ANKRD17: variants seen among roughly 807,000 people sequenced by gnomAD.
The protein encoded by ANKRD17 is ankyrin repeat domain 17.
ANKRD17 carries 19 observed loss-of-function variants against 229.7 expected under a neutral mutation model. The observed-to-expected ratio is 0.08, with a 90% CI of 0.06 to 0.12. ANKRD17 has a LOEUF of 0.12. ANKRD17 is among the 10% of genes least tolerant of loss of function. The pLI, the probability that ANKRD17 is intolerant of heterozygous loss-of-function variation, is 1.00. For missense variants in ANKRD17, 2,176 were observed against 3,176.8 expected (o/e 0.68, Z 7.57); for synonymous variants, 1,112 against 1,146.1 (o/e 0.97, Z 0.60).
Position 73,121,762 on chromosome 4 carries a change from GAAAAT to G in ANKRD17, c.3493-8_3493-4del. On this transcript the variant is annotated splice_polypyrimidine_tract_variant and splice_region_variant and intron_variant, in intron 18 of 33. Transcript: ENST00000358602. Reference sequence around the variant, plus strand: ...CGAGCTAACAATAGCTCCACCACCTGAAAATAAAATAGAAAAAAATATGTTTTCTT... The same window carrying G: ...CGAGCTAACAATAGCTCCACCACCTGAAAATAGAAAAAAATATGTTTTCTT... The G allele has an allele frequency of 1.3e-6, 2 of 1,576,180 alleles. No individual in the cohort carries two copies. Among genetic ancestry groups the G allele is most frequent in the Non-Finnish European group, 1.7e-6 (2 of 1,167,842 alleles).
chr4:73,090,011 A>T (rs901325393), intron 29 of ANKRD17, among the ~76,000 whole-genome samples: 2 of 152,214 alleles, frequency 1.3e-5, no homozygotes, highest in Non-Finnish European at 2.9e-5. Flanking sequence ...GATAATGCGA[A>T]ATGAAACCCA....
intron 1 of ANKRD17, among the ~76,000 whole-genome samples, chr4:73,254,281 C>T (rs1350565433): frequency 6.6e-6 from 1 of 152,216 alleles, no homozygotes; most frequent in African/African-American, 2.4e-5. Flanking sequence ...CCTTGCAAAT[C>T]CTTTCAATAC....
intron 33 of ANKRD17, among the ~76,000 whole-genome samples, 197 bp from the exon 34 acceptor site, chr4:73,076,487 A>G (rs542662209): frequency 6.6e-6 from 1 of 152,290 alleles, no homozygotes; most frequent in African/African-American, 2.4e-5. Context: ...CAACCTTTAA[A>G]AAAAAAATCA....
chr4:73,170,331 G>A (rs181486465), intron 2 of ANKRD17, among the ~76,000 whole-genome samples: 1 of 152,076 alleles, frequency 6.6e-6, no homozygotes, highest in Middle Eastern at 3.4e-3. Flanking sequence ...GTGCCAGAAG[G>A]GAACCTGCTC....
At chr4:73,106,794 G>A (rs1347184299) in intron 24 of ANKRD17, among the ~76,000 whole-genome samples, 3 of 149,192 alleles carry the variant, frequency 2.0e-5, no homozygotes, top group Non-Finnish European at 4.4e-5. Flanking sequence ...CAGGAGAATC[G>A]CTTGAACCCA....
Position 73,258,705 on chromosome 4 carries a change from G to A in ANKRD17, c.-37C>T. 1 of 1,425,554 alleles carries A rather than the reference G, an allele frequency of 7.0e-7. No homozygotes were observed. Among genetic ancestry groups the A allele is most frequent in the Non-Finnish European group, 9.1e-7 (1 of 1,101,994 alleles). 88.3% of individuals were successfully genotyped at this position (1,425,554 alleles called of 1,614,324 possible). A position where few individuals can be genotyped will look rare whatever the true frequency, so the allele number is the denominator to read the frequency against. On this transcript the variant is annotated 5_prime_UTR_variant, in exon 1 of 34. Coordinates refer to ENST00000358602, the MANE Select transcript of ANKRD17 (RefSeq NM_032217.5). ...GAGGGAGGGCGCGGACGGGGGAGGG[G>A]CGTGGGGCTACGCTCTACCGCGACT...
chr4:73,129,689 C>G (rs939455191), intron 16 of ANKRD17, among the ~76,000 whole-genome samples: 5 of 151,942 alleles, frequency 3.3e-5, no homozygotes, highest in Admixed American at 6.6e-5. Context: ...TGCACTCCAA[C>G]CTGGCTGACA....
At chr4:73,093,228 C>T (rs1722952436) in intron 28 of ANKRD17, among the ~76,000 whole-genome samples, 1 of 152,162 alleles carries the variant, frequency 6.6e-6, no homozygotes, top group Non-Finnish European at 1.5e-5. Context: ...CATGAATTTA[C>T]TTTAAAGTAA....
At chr4:73,218,124 T>A (rs1023603083) in intron 1 of ANKRD17, among the ~76,000 whole-genome samples, 104 of 152,276 alleles carry the variant, frequency 6.8e-4, no homozygotes, top group Non-Finnish European at 5.9e-4. Flanking sequence ...AGCACCACAT[T>A]CATAAATACA....
At chr4:73,122,638 T>A (rs950398123) in intron 18 of ANKRD17, among the ~76,000 whole-genome samples, 6 of 152,124 alleles carry the variant, frequency 3.9e-5, no homozygotes, top group African/African-American at 1.4e-4. Context: ...CCCCTGCTCT[T>A]ACTATTAATA....
In ANKRD17 at chr4:73,125,320, A is replaced by C; in HGVS notation, c.3235-8T>G. On this transcript the variant is annotated splice_region_variant and splice_polypyrimidine_tract_variant and intron_variant, in intron 16 of 33. Transcript: ENST00000358602. ...GTCATGATTACTCTCAGTCTATAAG[A>C]AATTATTTTTTGGTTAGTTTATTAA... 6.4e-7 allele frequency: 1 copy of C among 1,571,018 alleles called. No individual in the cohort carries two copies. The highest frequency in any genetic ancestry group is 8.6e-7 in the Non-Finnish European group (1 of 1,158,434).
chr4:73,213,895 T>C (rs905973097), intron 1 of ANKRD17, among the ~76,000 whole-genome samples: 32 of 152,230 alleles, frequency 2.1e-4, no homozygotes, highest in Admixed American at 2.0e-3. Flanking sequence ...AAGTGATACC[T>C]GTGAAAGAAG....
Position 73,113,885 on chromosome 4 carries a change from A to C in ANKRD17, c.4308T>G (p.Leu1436=). 1 of 1,612,720 alleles carries C rather than the reference A, an allele frequency of 6.2e-7. No homozygotes were observed. Among genetic ancestry groups the C allele is most frequent in the Non-Finnish European group, 8.5e-7 (1 of 1,179,206 alleles). The change falls in exon 24 of 34, where the codon CTT becomes CTG. Residue 1436 remains leucine, a synonymous_variant. Coordinates refer to ENST00000358602, the MANE Select transcript of ANKRD17 (RefSeq NM_032217.5). ...TGGCTTGTACTATTGACTCCATACA[A>C]AGATGACACTTCTTCAGCATCTCCT... is the stretch of plus-strand genomic sequence containing the variant. ...TDKEMLKKCH[L]CMESIVQAKD... is the part of the protein sequence containing the mutation.
At chr4:73,100,157 C>T (rs961318938) in intron 25 of ANKRD17, among the ~76,000 whole-genome samples, 1 of 152,150 alleles carries the variant, frequency 6.6e-6, no homozygotes, top group African/African-American at 2.4e-5. Flanking sequence ...TTATTGCTGC[C>T]GCTACCAGCA....
intron 1 of ANKRD17, among the ~76,000 whole-genome samples, chr4:73,254,380 A>C (rs1047177712): frequency 4.6e-5 from 7 of 152,222 alleles, no homozygotes; most frequent in African/African-American, 1.7e-4. Context: ...GTTACTTACA[A>C]AAACAGATGA....
At position 73,074,602 on chromosome 4, in the gene ANKRD17, TTTTACTCTTTACTCAGGC is replaced by T. The variant is rs1435643811; in HGVS notation, c.*1611_*1628del. The T allele has an allele frequency of 6.6e-6, 1 of 151,954 alleles. No homozygotes were observed. The allele number at this position is 151,954 out of a possible 1,614,324, so 9.4% of individuals were successfully genotyped here. On this transcript the variant is annotated 3_prime_UTR_variant, in exon 34 of 34. Coordinates refer to ENST00000358602, the MANE Select transcript of ANKRD17 (RefSeq NM_032217.5). ...TCTGGATATGTTTGAGAAGTCATCT[TTTTACTCTTTACTCAGGC>T]TTTACTCTTTACTCAGATGGAAGAA...
intron 1 of ANKRD17, among the ~76,000 whole-genome samples, chr4:73,241,044 C>T (rs991707003): frequency 3.0e-4 from 45 of 152,132 alleles, no homozygotes; most frequent in South Asian, 4.1e-4. Context: ...CTCCTGAGCT[C>T]AGGCAACCCG....
In ANKRD17 at chr4:73,074,777, A is replaced by T. The variant is rs1294622386; in HGVS notation, c.*1454T>A. Reference sequence around the variant, plus strand: ...TGTCTAATTAAAAAAAAAGAAGACAAATTGATATATACATTACTCGATTTT... The same window carrying T: ...TGTCTAATTAAAAAAAAAGAAGACATATTGATATATACATTACTCGATTTT... On this transcript the variant is annotated 3_prime_UTR_variant, in exon 34 of 34. Transcript: ENST00000358602. 3 of 152,436 alleles carry T rather than the reference A, an allele frequency of 2.0e-5. No individual in the cohort carries two copies. 9.4% of individuals were successfully genotyped at this position (152,436 alleles called of 1,614,324 possible).
chr4:73,121,782 T>C, intron 18 of ANKRD17, 23 bp from the exon 19 acceptor site: 1 of 1,567,084 alleles, frequency 6.4e-7, no homozygotes, highest in Non-Finnish European at 8.6e-7. Flanking sequence ...TAGAAAAAAA[T>C]ATGTTTTCTT....
Sources: gnomAD v4.1 joint callset for allele counts (sites outside exome capture counted in the v4.1 genomes callset) on GRCh38, gnomAD v4.1.1 for gene constraint, MANE v1.5 for transcripts, NCBI Gene and HGNC (gene_info 2026-07-23, HGNC 2026-07-21) for gene names.